ATP1B3: variants seen among roughly 807,000 people sequenced by gnomAD.
The protein encoded by ATP1B3 is ATPase Na+/K+ transporting subunit beta 3.
ATP1B3 carries 10 observed loss-of-function variants against 30.2 expected under a neutral mutation model. The observed-to-expected ratio is 0.33, with a 90% CI of 0.20 to 0.56. The LOEUF is 0.56. Ranked by LOEUF, ATP1B3 falls within the 20% of genes least tolerant of loss-of-function variation. ATP1B3 has a pLI of 0.90. For missense variants in ATP1B3, 238 were observed against 336.7 expected (o/e 0.71, Z 2.29); for synonymous variants, 113 against 117.0 (o/e 0.97, Z 0.22).
At chr3:141,885,556 C>G (rs1933812946) in intron 1 of ATP1B3, among the ~76,000 whole-genome samples, 1 of 152,124 alleles carries the variant, frequency 6.6e-6, no homozygotes, top group Admixed American at 6.5e-5. Flanking sequence ...TTAAGTGATT[C>G]TCCTGTCTTA....
chr3:141,904,225 A>T (rs1934219870), intron 2 of ATP1B3, among the ~76,000 whole-genome samples: 1 of 151,838 alleles, frequency 6.6e-6, no homozygotes, highest in African/African-American at 2.4e-5. Context: ...TAATATTTAC[A>T]TACTGATTTA....
At chr3:141,885,284 T>C (rs913045300) in intron 1 of ATP1B3, among the ~76,000 whole-genome samples, 8 of 152,150 alleles carry the variant, frequency 5.3e-5, no homozygotes, top group African/African-American at 1.9e-4. Context: ...CCATTTTCTC[T>C]TTATCCCCAT....
chr3:141,889,756 T>TATATACACAC (rs1201511323), intron 1 of ATP1B3, among the ~76,000 whole-genome samples: 21 of 84,032 alleles, frequency 2.5e-4, no homozygotes, highest in East Asian at 2.0e-3. Context: ...AAAAAATATA[T>TATATACACAC]ACACACACAC....
intron 6 of ATP1B3, among the ~76,000 whole-genome samples, chr3:141,923,064 G>C (rs1185255439): frequency 6.6e-6 from 1 of 152,108 alleles, no homozygotes; most frequent in Non-Finnish European, 1.5e-5. Context: ...GATCACCTGA[G>C]GTCAGGAGTT....
chr3:141,921,942 G>T, intron 5 of ATP1B3, 35 bp from the exon 6 acceptor site: 2 of 1,213,802 alleles, frequency 1.6e-6, no homozygotes, highest in South Asian at 2.9e-5. Flanking sequence ...TTCTTTTTGT[G>T]ACCTAAAGAG....
At chr3:141,905,793 C>A (rs1448257029) in intron 2 of ATP1B3, among the ~76,000 whole-genome samples, 2 of 142,498 alleles carry the variant, frequency 1.4e-5, no homozygotes, top group Non-Finnish European at 3.1e-5. Flanking sequence ...TTCAAAAACA[C>A]TGAACTCTGT....
chr3:141,884,834 T>C (rs1393279365), intron 1 of ATP1B3, among the ~76,000 whole-genome samples: 1 of 152,220 alleles, frequency 6.6e-6, no homozygotes, highest in Non-Finnish European at 1.5e-5. Context: ...ATGCAATGTA[T>C]GTATCTCAGG....
At chr3:141,888,936 T>TCA (rs894763166) in intron 1 of ATP1B3, among the ~76,000 whole-genome samples, 5 of 152,166 alleles carry the variant, frequency 3.3e-5, no homozygotes, top group Non-Finnish European at 7.4e-5. Flanking sequence ...CAGTCTCTGA[T>TCA]AAGTCTTTAT....
intron 1 of ATP1B3, among the ~76,000 whole-genome samples, chr3:141,893,598 A>G (rs1490164298): frequency 1.3e-5 from 2 of 152,094 alleles, no homozygotes; most frequent in African/African-American, 2.4e-5. Context: ...AGTTCTCCTG[A>G]GGTTAAGTTT....
intron 1 of ATP1B3, among the ~76,000 whole-genome samples, chr3:141,900,876 G>A (rs1172425950): frequency 1.3e-5 from 2 of 152,130 alleles, no homozygotes; most frequent in Non-Finnish European, 2.9e-5. Context: ...TCTGCCTCCT[G>A]GGTTCAAGCA....
At chr3:141,917,626 G>A (rs1220704978) in intron 5 of ATP1B3, among the ~76,000 whole-genome samples, 2 of 151,956 alleles carry the variant, frequency 1.3e-5, no homozygotes, top group African/African-American at 2.4e-5. Flanking sequence ...CCTGGGAGGT[G>A]GAGGTTGCAG....
At chr3:141,912,964 C>T (rs1055528019) in intron 3 of ATP1B3, among the ~76,000 whole-genome samples, 1 of 152,146 alleles carries the variant, frequency 6.6e-6, no homozygotes, top group Non-Finnish European at 1.5e-5. Flanking sequence ...TGGACTGACT[C>T]CACAGAAAAG....
chr3:141,916,476 C>G (rs763025166), intron 5 of ATP1B3: 15 of 1,044,340 alleles, frequency 1.4e-5, no homozygotes, highest in Non-Finnish European at 2.0e-5. Flanking sequence ...TCCCTACTTA[C>G]TTTTTTTTCC....
At position 141,913,653 on chromosome 3, in the gene ATP1B3, A is replaced by C. The variant is rs371680918; in HGVS notation, c.348A>C (p.Pro116=). 11 of 1,608,362 alleles carry C rather than the reference A, an allele frequency of 6.8e-6. No individual in the cohort carries two copies. The highest frequency in any genetic ancestry group is 8.5e-6 in the Non-Finnish European group (10 of 1,178,602). ...YIEDLKKFLK[P]YTLEEQKNLT... ...CACACATATATGTTTCCTTTTTAGC[A>C]TATACTTTAGAAGAACAGAAGAACC... The change falls in exon 4 of 7, where the codon CCA becomes CCC. Residue 116 remains proline, a splice_region_variant and synonymous_variant. Coordinates refer to ENST00000286371, the MANE Select transcript of ATP1B3 (RefSeq NM_001679.4).
intron 5 of ATP1B3, chr3:141,918,449 CTT>C (rs551426376): frequency 6.2e-5 from 9 of 145,188 alleles, no homozygotes; most frequent in Admixed American, 1.4e-4. Context: ...ATACCTCTCC[CTT>C]TTTTTTTTTT....
At chr3:141,896,981 G>A (rs1358458868) in intron 1 of ATP1B3, among the ~76,000 whole-genome samples, 2 of 152,162 alleles carry the variant, frequency 1.3e-5, no homozygotes, top group Admixed American at 6.6e-5. Flanking sequence ...GCCAAGAGCA[G>A]CCTGGGTGTG....
chr3:141,913,264 A>C (rs1269845711), intron 3 of ATP1B3, among the ~76,000 whole-genome samples: 1 of 150,490 alleles, frequency 6.6e-6, no homozygotes, highest in Non-Finnish European at 1.5e-5. Flanking sequence ...TTCTGATTTT[A>C]TACTCACTTA....
Position 141,922,629 on chromosome 3 carries a change from G to A in ATP1B3, c.669+566G>A, listed in dbSNP as rs1934585028. On this transcript the variant is annotated intron_variant, in intron 6 of 6. Coordinates refer to ENST00000286371, the MANE Select transcript of ATP1B3 (RefSeq NM_001679.4). ...GATTGTACCACCACACTCCAGGTTGGGTGACAGAATGGGATTCTGTTTCCC... is the reference window on the plus strand; with the variant it reads ...GATTGTACCACCACACTCCAGGTTGAGTGACAGAATGGGATTCTGTTTCCC... Among the ~76,000 whole-genome samples the A allele has an allele frequency of 3.3e-5, 5 of 150,926 alleles. No individual in the cohort carries two copies. In the South Asian group the frequency reaches 1.1e-3, roughly 32 times the overall value.
At chr3:141,919,370 G>A (rs1466737357) in intron 5 of ATP1B3, among the ~76,000 whole-genome samples, 2 of 151,046 alleles carry the variant, frequency 1.3e-5, no homozygotes, top group East Asian at 1.9e-4. Context: ...ACCCACCTCC[G>A]CCTTTGAAAA....
Sources: gnomAD v4.1 joint callset for allele counts (sites outside exome capture counted in the v4.1 genomes callset) on GRCh38, gnomAD v4.1.1 for gene constraint, MANE v1.5 for transcripts, NCBI Gene and HGNC (gene_info 2026-07-23, HGNC 2026-07-21) for gene names.